The following AGTPBP1 variants were observed in gnomAD, a reference collection of about 807,000 sequenced individuals.
The protein encoded by AGTPBP1 is ATP/GTP binding carboxypeptidase 1, also known as cytosolic carboxypeptidase 1.
A neutral mutation model predicts 143.9 loss-of-function variants in AGTPBP1; 70 were observed. The observed-to-expected ratio is 0.49, with a 90% CI of 0.40 to 0.59. The LOEUF is 0.59. AGTPBP1 is among the 20% of genes least tolerant of loss of function. The pLI, the probability that AGTPBP1 is intolerant of heterozygous loss-of-function variation, is 0.00. For missense variants in AGTPBP1, 1,229 were observed against 1,464.5 expected (o/e 0.84, Z 2.62); for synonymous variants, 463 against 500.2 (o/e 0.93, Z 0.99).
At chr9:85,749,028 G>C in the AGTPBP1 span, among the ~76,000 whole-genome samples, 2 of 125,844 alleles carry the variant, frequency 1.6e-5, no homozygotes, top group South Asian at 2.6e-4. Flanking sequence ...TTTGAGACAA[G>C]GTCTTGCTCT....
intron 12 of AGTPBP1, among the ~76,000 whole-genome samples, chr9:85,645,826 T>A (rs1177790589): frequency 6.6e-6 from 1 of 152,172 alleles, no homozygotes; most frequent in Non-Finnish European, 1.5e-5. Flanking sequence ...ACCTAACATC[T>A]TATGTAATAT....
chr9:85,737,681 T>C (rs924472929), intron 1 of AGTPBP1, among the ~76,000 whole-genome samples: 6 of 152,190 alleles, frequency 3.9e-5, no homozygotes, highest in African/African-American at 1.4e-4. Context: ...TGTTACAATC[T>C]CAGGAATGAG....
intron 14 of AGTPBP1, among the ~76,000 whole-genome samples, chr9:85,621,688 T>C (rs1830948474): frequency 6.6e-6 from 1 of 152,206 alleles, no homozygotes; most frequent in South Asian, 2.1e-4. Flanking sequence ...AAGAATAATT[T>C]TTTTAAACCC....
At chr9:85,615,042 T>G (rs1214894984) in intron 17 of AGTPBP1, among the ~76,000 whole-genome samples, 4 of 152,124 alleles carry the variant, frequency 2.6e-5, no homozygotes. Context: ...GTCTAACAAT[T>G]CAATAAATTC....
chr9:85,692,753 C>T lies in AGTPBP1; in HGVS notation c.93G>A (p.Glu31=). 1 of 1,614,008 alleles carries T rather than the reference C, an allele frequency of 6.2e-7. No homozygotes were observed. Among genetic ancestry groups the T allele is most frequent in the Non-Finnish European group, 8.5e-7 (1 of 1,179,944 alleles). ...ATCGGGCAGTGTCTGATTCTGAAGG[C>T]TCAGCATTGATCTTCTCCAGTTGAG... The part of the protein sequence containing the change: ...LLAQLEKINA[E]PSESDTARYV... The change falls in exon 3 of 26, where the codon GAG becomes GAA. Residue 31 remains glutamate (E), a synonymous_variant. Transcript: ENST00000357081.
Position 85,589,569 on chromosome 9 carries a change from G to A in AGTPBP1, c.2681C>T (p.Ala894Val). Reference protein sequence around the residue: ...GNSCPLVTITAMPESNYYEHI... With the variant: ...GNSCPLVTITVMPESNYYEHI... ...TTCATAATAATTAGACTCTGGCATT[G>A]CTGTTATAGTCACCAAGGGGCAGCT... The change falls in exon 20 of 26, where the codon GCA becomes GTA. Residue 894 changes from alanine (A) to valine (V), a missense_variant. Ala to Val is a moderately conservative substitution (Grantham distance 64, BLOSUM62 0). Around this residue, in one of 2 missense-constraint regions of AGTPBP1, gnomAD observed 486 missense variants for 652.3 expected, o/e 0.75. Coordinates refer to ENST00000357081, the MANE Select transcript of AGTPBP1 (RefSeq NM_001330701.2). The A allele has an allele frequency of 6.2e-7, 1 of 1,612,498 alleles. No individual in the cohort carries two copies. Among genetic ancestry groups the A allele is most frequent in the Non-Finnish European group, 8.5e-7 (1 of 1,179,402 alleles).
At chr9:85,657,301 T>C in intron 10 of AGTPBP1, 134 bp downstream of exon 10, 1 of 759,172 alleles carries the variant, frequency 1.3e-6, no homozygotes, top group Non-Finnish European at 2.1e-6. Context: ...TTGTGTCTTT[T>C]ACTTTTAAGA....
intron 8 of AGTPBP1, among the ~76,000 whole-genome samples, chr9:85,661,792 A>T (rs1197611552): frequency 6.6e-6 from 1 of 152,178 alleles, no homozygotes; most frequent in African/African-American, 2.4e-5. Flanking sequence ...AATAATTTTT[A>T]AAATGTAAGG....
At chr9:85,660,903 A>T in intron 9 of AGTPBP1, 33 bp downstream of exon 9, 1 of 1,438,384 alleles carries the variant, frequency 7.0e-7, no homozygotes, top group Non-Finnish European at 9.5e-7. Flanking sequence ...TCAGAAAAAT[A>T]GTATCTAGTA....
intron 1 of AGTPBP1, among the ~76,000 whole-genome samples, chr9:85,736,499 C>CA (rs1823785250): frequency 6.6e-6 from 1 of 152,136 alleles, no homozygotes; most frequent in Admixed American, 6.5e-5. Context: ...TGCTAGAGAA[C>CA]ACTGTAGAGC....
intron 13 of AGTPBP1, among the ~76,000 whole-genome samples, chr9:85,641,842 G>GT (rs1291479114): frequency 6.6e-6 from 1 of 151,928 alleles, no homozygotes; most frequent in Non-Finnish European, 1.5e-5. Flanking sequence ...GCAACTACAG[G>GT]TGTGTCTCAT....
At chr9:85,779,194 G>GAT in the AGTPBP1 span, among the ~76,000 whole-genome samples, 734 of 60,078 alleles carry the variant, frequency 0.012, 15 homozygotes, top group African/African-American at 0.041. Flanking sequence ...TATAGATATA[G>GAT]ATATAGATAT....
the AGTPBP1 span, among the ~76,000 whole-genome samples, chr9:85,798,890 T>A: frequency 1.3e-5 from 2 of 152,222 alleles, no homozygotes; most frequent in Admixed American, 1.3e-4. Context: ...AGGGTACATG[T>A]GTACAATGTG....
At chr9:85,692,921 C>T (rs1444654404) in intron 2 of AGTPBP1, 108 bp from the exon 3 acceptor site, 1 of 1,274,362 alleles carries the variant, frequency 7.8e-7, no homozygotes, top group Non-Finnish European at 1.1e-6. Context: ...AAACAGAAAG[C>T]ATTTACACGT....
intron 1 of AGTPBP1, among the ~76,000 whole-genome samples, chr9:85,721,691 G>A (rs1044570638): frequency 2.0e-5 from 3 of 152,128 alleles, no homozygotes; most frequent in Admixed American, 6.5e-5. Flanking sequence ...ATATTGTTAT[G>A]TGTGAATTTA....
At chr9:85,686,266 A>G (rs1835481301) in intron 3 of AGTPBP1, among the ~76,000 whole-genome samples, 1 of 152,104 alleles carries the variant, frequency 6.6e-6, no homozygotes, top group Admixed American at 6.5e-5. Context: ...AATAGAAAAG[A>G]CTATATCATG....
chr9:85,761,728 T>G, the AGTPBP1 span, among the ~76,000 whole-genome samples: 1 of 152,094 alleles, frequency 6.6e-6, no homozygotes, highest in Non-Finnish European at 1.5e-5. Context: ...GGACTTCATG[T>G]CTAAAACACC....
intron 14 of AGTPBP1, among the ~76,000 whole-genome samples, chr9:85,629,352 C>A (rs1831510432): frequency 1.3e-5 from 2 of 152,158 alleles, no homozygotes; most frequent in African/African-American, 4.8e-5. Flanking sequence ...GTTTCAGAAA[C>A]AAGGTGAGAA....
intron 12 of AGTPBP1, among the ~76,000 whole-genome samples, chr9:85,643,461 C>T (rs1832622635): frequency 1.3e-5 from 2 of 152,094 alleles, no homozygotes; most frequent in South Asian, 4.1e-4. Flanking sequence ...GGATAAAAAC[C>T]AGTTAGAGTG....
Sources: gnomAD v4.1 joint callset for allele counts (sites outside exome capture counted in the v4.1 genomes callset) on GRCh38, gnomAD v4.1.1 for gene constraint, gnomAD v4.1.1 regional missense constraint, MANE v1.5 for transcripts, NCBI Gene and HGNC (gene_info 2026-07-23, HGNC 2026-07-21) for gene names.